Variants in TENM1 observed in about 807,000 individuals in gnomAD.
The protein encoded by TENM1 is teneurin-1.
Under a neutral mutation model 174.8 loss-of-function variants are expected in TENM1, and 35 were observed. That is an observed-to-expected ratio of 0.20 (90% confidence interval 0.15 to 0.27). The LOEUF is 0.27. Ranked by LOEUF, TENM1 falls within the 10% of genes least tolerant of loss-of-function variation. TENM1 has a pLI of 1.00. For synonymous variants in TENM1, 781 were observed against 798.7 expected, an observed-to-expected ratio of 0.98 and a Z score of 0.37; for missense variants, 1,633 against 2,130.1, an observed-to-expected ratio of 0.77 and a Z score of 4.59.
the TENM1 span, among the ~76,000 whole-genome samples, chrX:124,969,838 T>A: frequency 8.9e-6 from 1 of 112,201 alleles, no homozygotes; most frequent in Non-Finnish European, 1.9e-5. Flanking sequence ...TTTTTCTAAA[T>A]GTAAACTAAG....
intron 1 of TENM1, among the ~76,000 whole-genome samples, chrX:124,928,393 T>C (rs1424161417): frequency 2.7e-5 from 3 of 112,160 alleles, no homozygotes; most frequent in African/African-American, 9.7e-5. Flanking sequence ...CAAACTTAGA[T>C]GGAAAAATTT....
intron 3 of TENM1, among the ~76,000 whole-genome samples, chrX:124,848,464 T>C (rs1367564758): frequency 9.0e-6 from 1 of 111,466 alleles, no homozygotes; most frequent in African/African-American, 3.3e-5. Context: ...AATGAGACTC[T>C]TGAATAAACA....
At chrX:125,185,283 C>T in the TENM1 span, among the ~76,000 whole-genome samples, 2 of 112,164 alleles carry the variant, frequency 1.8e-5, no homozygotes, top group African/African-American at 3.2e-5. Context: ...GTAAGAACTA[C>T]TAAATAGTTT....
the TENM1 span, among the ~76,000 whole-genome samples, chrX:124,971,510 G>T: frequency 1.8e-5 from 2 of 111,496 alleles, no homozygotes; most frequent in African/African-American, 6.5e-5. Context: ...ATTTACATAT[G>T]CATTCCCCAA....
chrX:124,518,968 G>A (rs2047780823), intron 18 of TENM1, among the ~76,000 whole-genome samples: 1 of 112,175 alleles, frequency 8.9e-6, no homozygotes, highest in South Asian at 3.7e-4. Context: ...TTTTCTCTAA[G>A]AGGAACCTGA....
intron 4 of TENM1, 23 bp downstream of exon 7, chrX:124,736,934 G>A (rs1359630350): frequency 2.5e-6 from 3 of 1,185,088 alleles, no homozygotes; most frequent in African/African-American, 1.8e-5. Flanking sequence ...TAAGTTTAGT[G>A]GGATCAATAA....
chrX:125,016,905 C>T, the TENM1 span, among the ~76,000 whole-genome samples: 8 of 111,126 alleles, frequency 7.2e-5, no homozygotes, highest in Non-Finnish European at 1.3e-4. Flanking sequence ...TCAGAAATAA[C>T]GCCACACATC....
chrX:124,820,308 A>G (rs1311042558), intron 3 of TENM1, among the ~76,000 whole-genome samples: 1 of 111,367 alleles, frequency 9.0e-6, no homozygotes, highest in African/African-American at 3.3e-5. Flanking sequence ...CTAAAGTGAA[A>G]GAAATCCTTC....
At chrX:124,613,650 A>G (rs2050330060) in intron 11 of TENM1, among the ~76,000 whole-genome samples, 1 of 111,283 alleles carries the variant, frequency 9.0e-6, no homozygotes, top group Admixed American at 9.6e-5. Flanking sequence ...GTAATATCTC[A>G]TTTGATAATA....
chrX:124,741,353 T>A (rs764614727), intron 3 of TENM1, among the ~76,000 whole-genome samples: 41 of 112,210 alleles, frequency 3.7e-4, no homozygotes, highest in African/African-American at 1.3e-3. Context: ...TGGCAACTTA[T>A]CAGAGTGTCT....
At chrX:124,625,362 T>C (rs1014972288) in intron 11 of TENM1, among the ~76,000 whole-genome samples, 1 of 111,029 alleles carries the variant, frequency 9.0e-6, no homozygotes, top group Admixed American at 9.7e-5. Context: ...ACCATAATCA[T>C]CACTATAATC....
chrX:124,758,871 G>A (rs758065026), intron 3 of TENM1, among the ~76,000 whole-genome samples: 2 of 111,720 alleles, frequency 1.8e-5, no homozygotes, highest in African/African-American at 6.5e-5. Flanking sequence ...ATTTCCAGGA[G>A]TTGAGAGGAG....
At chrX:124,705,345 C>G in intron 4 of TENM1, 94 bp from the exon 8 acceptor site, 1 of 654,485 alleles carries the variant, frequency 1.5e-6, no homozygotes, top group Non-Finnish European at 2.4e-6. Flanking sequence ...CATGCTATAG[C>G]CAAGCTCAAG....
At chrX:125,138,286 G>A in the TENM1 span, among the ~76,000 whole-genome samples, 7 of 109,705 alleles carry the variant, frequency 6.4e-5, no homozygotes, top group East Asian at 2.9e-4. Flanking sequence ...ATGGATTTTC[G>A]GTGGATTAGT....
intron 11 of TENM1, among the ~76,000 whole-genome samples, chrX:124,616,960 C>T (rs977091988): frequency 1.8e-5 from 2 of 111,569 alleles, no homozygotes; most frequent in Non-Finnish European, 3.8e-5. Flanking sequence ...CCTCTTGGTG[C>T]TAAGGAAAGA....
the TENM1 span, chrX:125,204,149 AAG>A: frequency 0.014 from 1,615 of 112,342 alleles, 32 homozygotes; most frequent in African/African-American, 0.05. Context: ...GTGTGAGTGA[AAG>A]AGAGTGTTCG....
chrX:124,477,439 C>G (rs182886462), intron 22 of TENM1, among the ~76,000 whole-genome samples: 163 of 111,254 alleles, frequency 1.5e-3, no homozygotes, highest in African/African-American at 5.1e-3. Context: ...ATTTTTTTCC[C>G]CCAATATTTC....
the TENM1 span, among the ~76,000 whole-genome samples, chrX:125,078,557 C>T: frequency 9.0e-6 from 1 of 111,144 alleles, no homozygotes; most frequent in African/African-American, 3.3e-5. Flanking sequence ...TACATGCTTT[C>T]CATTTATTTC....
the TENM1 span, among the ~76,000 whole-genome samples, chrX:125,001,158 AAG>A: frequency 9.0e-6 from 1 of 110,735 alleles, no homozygotes; most frequent in Non-Finnish European, 1.9e-5. Flanking sequence ...TTTATGAAAT[AAG>A]AGAGTCCAAG....
Sources: allele counts gnomAD v4.1 joint callset (sites outside exome capture counted in the v4.1 genomes callset), GRCh38; gene constraint gnomAD v4.1.1; transcripts MANE v1.5; gene names NCBI Gene and HGNC (gene_info 2026-07-23, HGNC 2026-07-21).